The following MRPS27 variants were observed in gnomAD, a reference collection of about 807,000 sequenced individuals.
MRPS27 encodes small ribosomal subunit protein mS27.
MRPS27 carries 43 observed loss-of-function variants against 48.9 expected under a neutral mutation model. The observed-to-expected ratio is 0.88, with a 90% confidence interval of 0.69 to 1.13. The LOEUF is 1.13. MRPS27 is among the 50% of genes most tolerant of loss of function. The pLI, the probability that MRPS27 is intolerant of heterozygous loss-of-function variation, is 0.00. For synonymous variants in MRPS27, 188 were observed against 171.9 expected, an observed-to-expected ratio of 1.09 and a Z score of -0.73; for missense variants, 467 against 476.3, an observed-to-expected ratio of 0.98 and a Z score of 0.18.
chr5:72,238,505 A>C (rs148484076), intron 4 of MRPS27, among the ~76,000 whole-genome samples: 2,279 of 152,342 alleles, frequency 0.015, 34 homozygotes, highest in Non-Finnish European at 0.022. Flanking sequence ...GTTTAAAACA[A>C]ATGAAGAAAA....
intron 1 of MRPS27, among the ~76,000 whole-genome samples, chr5:72,314,849 A>G (rs2112092407): frequency 6.6e-6 from 1 of 152,344 alleles, no homozygotes; most frequent in South Asian, 2.1e-4. Context: ...AATGCTTTAT[A>G]ATTATTATGC....
At chr5:72,292,203 GTTTTTTT>G (rs1213885749) in intron 4 of MRPS27, among the ~76,000 whole-genome samples, 1 of 92,136 alleles carries the variant, frequency 1.1e-5, no homozygotes, top group African/African-American at 4.4e-5. Flanking sequence ...GGTATTACCA[GTTTTTTT>G]TTTTTTTTTT....
At chr5:72,231,995 C>T (rs534836715) in intron 7 of MRPS27, among the ~76,000 whole-genome samples, 22 of 152,120 alleles carry the variant, frequency 1.4e-4, no homozygotes, top group Admixed American at 2.6e-4. Flanking sequence ...ATTAAACATG[C>T]GAACCTAAGA....
intron 2 of MRPS27, among the ~76,000 whole-genome samples, chr5:72,312,089 G>A (rs989617000): frequency 5.9e-5 from 9 of 152,144 alleles, no homozygotes; most frequent in Admixed American, 1.3e-4. Context: ...CCGAGATGAC[G>A]CCACTGCATT....
intron 4 of MRPS27, among the ~76,000 whole-genome samples, chr5:72,243,325 T>C (rs1748413260): frequency 6.6e-6 from 1 of 152,072 alleles, no homozygotes; most frequent in African/African-American, 2.4e-5. Context: ...TCACTGCTAC[T>C]CACTTTCTCA....
rs779865716 is a variant in MRPS27 at position 72,314,114 on chromosome 5, A to G, written c.118T>C (p.Trp40Arg). The G allele has an allele frequency of 1.1e-5, 18 of 1,613,064 alleles. No homozygotes were observed. The highest frequency in any genetic ancestry group is 2.7e-5 in the African/African-American group (2 of 74,908). Residue 40 changes from tryptophan (W) to arginine (R), a missense_variant, in exon 2 of 11, where the codon TGG (tryptophan) becomes CGG (arginine). Trp to Arg is a moderately radical substitution (Grantham distance 101). Coordinates refer to ENST00000261413, the MANE Select transcript of MRPS27 (RefSeq NM_015084.3). ...TAATGTTCTTTTTCTCTTGCTTCCC[A>G]TTTGTGGCTGTCTACATAGGCTGAA... ...LSSAYVDSHK[W>R]EAREKEHYCL...
chr5:72,279,689 C>A (rs540252576), intron 4 of MRPS27, among the ~76,000 whole-genome samples: 1 of 152,026 alleles, frequency 6.6e-6, no homozygotes, highest in Non-Finnish European at 1.5e-5. Flanking sequence ...AAAACAAAAA[C>A]AAAACCCCAA....
Position 72,223,802 on chromosome 5 carries a change from C to A in MRPS27, c.886G>T (p.Ala296Ser), listed in dbSNP as rs772206505. Residue 296 changes from alanine to serine, a missense_variant, in exon 10 of 11, where the codon GCT becomes TCT. Ala to Ser is a moderately conservative substitution (Grantham distance 99). Transcript: ENST00000261413. Reference sequence around the variant, plus strand: ...TCATTTTGGGACTGCTCCTCTGAAGCCCCATCAGCTGAAGTCAGAGCCTTC... The same window carrying A: ...TCATTTTGGGACTGCTCCTCTGAAGACCCATCAGCTGAAGTCAGAGCCTTC... The part of the protein sequence containing the change: ...VLKALTSADG[A>S]SEEQSQNDED... 2 of 1,614,002 alleles carry A rather than the reference C, an allele frequency of 1.2e-6. No homozygotes were observed. The highest frequency in any genetic ancestry group is 1.7e-6 in the Non-Finnish European group (2 of 1,179,928).
intron 1 of MRPS27, among the ~76,000 whole-genome samples, chr5:72,318,015 G>T (rs1460802199): frequency 6.6e-6 from 1 of 152,152 alleles, no homozygotes; most frequent in Non-Finnish European, 1.5e-5. Context: ...TAACACTAAT[G>T]ATAGCTGATG....
At chr5:72,255,031 T>TC in intron 4 of MRPS27, among the ~76,000 whole-genome samples, 1 of 59,264 alleles carries the variant, frequency 1.7e-5, no homozygotes, top group African/African-American at 2.5e-4. Context: ...TTTCTTTTCT[T>TC]TTTTTTTTTT....
chr5:72,277,548 G>A (rs1292682605), intron 4 of MRPS27, among the ~76,000 whole-genome samples: 1 of 151,878 alleles, frequency 6.6e-6, no homozygotes, highest in Non-Finnish European at 1.5e-5. Flanking sequence ...AGGTTGCAGT[G>A]AGCCGAGATC....
intron 2 of MRPS27, among the ~76,000 whole-genome samples, chr5:72,303,467 C>A (rs1561362263): frequency 2.0e-5 from 3 of 151,872 alleles, no homozygotes; most frequent in African/African-American, 7.3e-5. Flanking sequence ...TATGATGAGA[C>A]AATGATGAGA....
chr5:72,221,264 T>C lies in MRPS27; in HGVS notation c.1006-116A>G, dbSNP rs1181531807. ...TAGATTTGAACAAAAGTTTGCTGAC[T>C]CGTAGTTTAGTCCTCATTCTAGTGG... is the stretch of plus-strand genomic sequence containing the variant. On this transcript the variant is annotated intron_variant, in intron 10 of 10. Coordinates refer to ENST00000261413, the MANE Select transcript of MRPS27 (RefSeq NM_015084.3). 9 of 1,317,348 alleles carry C rather than the reference T, an allele frequency of 6.8e-6. No individual in the cohort carries two copies. The African/African-American group carries it at 8.9e-5, about 13-fold the overall frequency. 81.6% of individuals were successfully genotyped at this position (1,317,348 alleles called of 1,614,324 possible). A position where few individuals can be genotyped will look rare whatever the true frequency, so the allele number is the denominator to read the frequency against.
intron 4 of MRPS27, among the ~76,000 whole-genome samples, chr5:72,267,594 T>C (rs1749136048): frequency 6.6e-6 from 1 of 152,240 alleles, no homozygotes; most frequent in South Asian, 2.1e-4. Context: ...TCAACAAATA[T>C]TTATTGAGGC....
intron 4 of MRPS27, among the ~76,000 whole-genome samples, chr5:72,259,468 CAAAAA>C: frequency 7.8e-6 from 1 of 127,824 alleles, no homozygotes; most frequent in Admixed American, 8.3e-5. Flanking sequence ...AACTTCGTCT[CAAAAA>C]AAAAAAAAAA....
At chr5:72,232,413 C>A in intron 7 of MRPS27, 30 bp downstream of exon 7, 1 of 1,556,934 alleles carries the variant, frequency 6.4e-7, no homozygotes, top group South Asian at 1.1e-5. Context: ...TTCTAAAGTT[C>A]TTAATACTGC....
intron 1 of MRPS27, among the ~76,000 whole-genome samples, chr5:72,318,777 A>G (rs891822711): frequency 3.0e-5 from 4 of 132,808 alleles, no homozygotes; most frequent in Non-Finnish European, 4.7e-5. Context: ...CTGGGCAACA[A>G]GAACGAAACC....
intron 8 of MRPS27, among the ~76,000 whole-genome samples, chr5:72,226,698 T>C (rs1238623607): frequency 6.2e-5 from 8 of 129,222 alleles, no homozygotes; most frequent in Non-Finnish European, 1.1e-4. Context: ...CCAATCCTTA[T>C]GAAAAAAAAA....
chr5:72,280,405 TA>T (rs990159967), intron 4 of MRPS27, among the ~76,000 whole-genome samples: 3 of 152,130 alleles, frequency 2.0e-5, no homozygotes, highest in African/African-American at 7.2e-5. Context: ...CCTTTATAAG[TA>T]TTTTTTTTAA....
Sources: allele counts gnomAD v4.1 joint callset (sites outside exome capture counted in the v4.1 genomes callset), GRCh38; gene constraint gnomAD v4.1.1; transcripts MANE v1.5; gene names NCBI Gene and HGNC (gene_info 2026-07-23, HGNC 2026-07-21).